SETD3: variants seen among roughly 807,000 people sequenced by gnomAD.
SETD3 encodes the protein actin-histidine N-methyltransferase.
In SETD3, 19 loss-of-function variants were observed where a neutral mutation model predicts 63.0. That is an observed-to-expected ratio of 0.30 (90% confidence interval 0.21 to 0.44). SETD3 has a LOEUF of 0.44. Among genes scored for constraint, SETD3 ranks in the 20% least tolerant of loss-of-function variants. The pLI, the probability that SETD3 is intolerant of heterozygous loss-of-function variation, is 1.00. For missense variants in SETD3, 587 were observed against 728.5 expected, an observed-to-expected ratio of 0.81 and a Z score of 2.24; for synonymous variants, 286 against 264.1, an observed-to-expected ratio of 1.08 and a Z score of -0.80.
At chr14:99,425,541 G>C (rs778335697) in intron 6 of SETD3, among the ~76,000 whole-genome samples, 1 of 152,254 alleles carries the variant, frequency 6.6e-6, no homozygotes, top group Non-Finnish European at 1.5e-5. Flanking sequence ...TAAGCAGTCA[G>C]TAGGCGTCAG....
At chr14:99,462,247 T>C (rs1225423999) in intron 3 of SETD3, among the ~76,000 whole-genome samples, 2 of 152,224 alleles carry the variant, frequency 1.3e-5, no homozygotes, top group African/African-American at 2.4e-5. Flanking sequence ...ATCTGTTATA[T>C]TAATTTCTGA....
At chr14:99,461,904 C>A (rs2139782460) in intron 3 of SETD3, among the ~76,000 whole-genome samples, 1 of 152,248 alleles carries the variant, frequency 6.6e-6, no homozygotes, top group South Asian at 2.1e-4. Context: ...ACTAAATGTA[C>A]CACAGTGGCT....
At chr14:99,485,379 G>A (rs1477579905), upstream of SETD3, among the ~76,000 whole-genome samples, 1 of 152,164 alleles carries the variant, frequency 6.6e-6, no homozygotes, top group African/African-American at 2.4e-5. Context: ...TAGAGAATAT[G>A]GAGGTACTCT....
chr14:99,422,476 C>A (rs1892642197), intron 6 of SETD3, among the ~76,000 whole-genome samples: 1 of 152,082 alleles, frequency 6.6e-6, no homozygotes, highest in Admixed American at 6.5e-5. Flanking sequence ...GCTTTTAAGC[C>A]TAAAGGAAGT....
chr14:99,436,439 C>T, intron 6 of SETD3, among the ~76,000 whole-genome samples: 1 of 152,172 alleles, frequency 6.6e-6, no homozygotes, highest in Non-Finnish European at 1.5e-5. Context: ...AGGCACAGAG[C>T]CTGGACATGG....
At chr14:99,483,777 G>A (rs1052265119), upstream of SETD3, among the ~76,000 whole-genome samples, 1 of 152,228 alleles carries the variant, frequency 6.6e-6, no homozygotes, top group African/African-American at 2.4e-5. Context: ...GTTGATTAAT[G>A]AGTTGATGTA....
chr14:99,411,137 G>C (rs1045555354), intron 8 of SETD3: 4 of 152,190 alleles, frequency 2.6e-5, no homozygotes, highest in African/African-American at 9.6e-5. Flanking sequence ...CAAGAGTGCA[G>C]AGTGCAGAAT....
In SETD3 at chr14:99,446,543, A is replaced by G. The variant is rs145076429; in HGVS notation, c.675+11736T>C. Among the ~76,000 whole-genome samples, 889 of 152,288 alleles carry G rather than the reference A, an allele frequency of 5.8e-3. 6 individuals are homozygous for G. The highest frequency in any genetic ancestry group is 0.02 in the African/African-American group (848 of 41,552). On this transcript the variant is annotated intron_variant, in intron 6 of 12. Transcript: ENST00000331768. Reference sequence around the variant, plus strand: ...CTCCATGGTAACTGTTTGCCCTTTAAGTCTGTATTCCATGCCCCTATGGGT... The same window carrying G: ...CTCCATGGTAACTGTTTGCCCTTTAGGTCTGTATTCCATGCCCCTATGGGT...
At chr14:99,426,311 T>C (rs992333140) in intron 6 of SETD3, among the ~76,000 whole-genome samples, 6 of 152,338 alleles carry the variant, frequency 3.9e-5, no homozygotes, top group African/African-American at 1.2e-4. Flanking sequence ...CATTCACTCA[T>C]TCAACAAATA....
intron 6 of SETD3, among the ~76,000 whole-genome samples, chr14:99,431,062 C>A (rs1322947101): frequency 6.6e-6 from 1 of 152,080 alleles, no homozygotes; most frequent in Non-Finnish European, 1.5e-5. Flanking sequence ...GATAAAAGGC[C>A]CAGAAAAGCC....
chr14:99,458,475 T>C lies in SETD3; in HGVS notation c.479A>G (p.His160Arg). Residue 160 changes from histidine to arginine, a missense_variant, in exon 6 of 13, where the codon CAT (histidine) becomes CGT (arginine). His to Arg is a conservative substitution (Grantham distance 29, BLOSUM62 0). Coordinates refer to ENST00000331768, the MANE Select transcript of SETD3 (RefSeq NM_032233.3). ...AGGGCTGGCTCGCTCACACAGCAAA[T>C]GAAAGGCCAGTGCGATGTTTCCCAT... ...QAMGNIALAF[H>R]LLCERASPNS... The C allele has an allele frequency of 1.2e-6, 2 of 1,614,088 alleles. No homozygotes were observed. Among genetic ancestry groups the C allele is most frequent in the South Asian group, 1.1e-5 (1 of 91,076 alleles).
chr14:99,469,514 C>T (rs1204002697), intron 1 of SETD3, among the ~76,000 whole-genome samples: 1 of 152,218 alleles, frequency 6.6e-6, no homozygotes, highest in Non-Finnish European at 1.5e-5. Flanking sequence ...GAGGCCAAGG[C>T]AGGTGGATTG....
At chr14:99,422,319 CTT>C (rs1892636294) in intron 6 of SETD3, among the ~76,000 whole-genome samples, 1 of 152,230 alleles carries the variant, frequency 6.6e-6, no homozygotes, top group Non-Finnish European at 1.5e-5. Flanking sequence ...TCTGATAACT[CTT>C]AACAGCCTCA....
At chr14:99,449,108 A>G (rs1894305918) in intron 6 of SETD3, among the ~76,000 whole-genome samples, 2 of 152,262 alleles carry the variant, frequency 1.3e-5, no homozygotes, top group Admixed American at 6.5e-5. Context: ...GAACAGCTGA[A>G]TAAGTAAATA....
intron 11 of SETD3, among the ~76,000 whole-genome samples, chr14:99,403,115 T>C (rs1021254468): frequency 1.3e-5 from 2 of 152,152 alleles, no homozygotes; most frequent in African/African-American, 4.8e-5. Flanking sequence ...TGTATCTCAG[T>C]TTGGGTTCTG....
At chr14:99,424,690 G>A (rs915231330) in intron 6 of SETD3, among the ~76,000 whole-genome samples, 6 of 152,110 alleles carry the variant, frequency 3.9e-5, no homozygotes, top group Non-Finnish European at 7.4e-5. Flanking sequence ...AGGGAGGGGA[G>A]GAGAGGAGGA....
At chr14:99,443,142 G>C (rs1240528500) in intron 6 of SETD3, among the ~76,000 whole-genome samples, 1 of 151,878 alleles carries the variant, frequency 6.6e-6, no homozygotes, top group African/African-American at 2.4e-5. Context: ...AAACAAATGT[G>C]GGTTTTTACA....
At chr14:99,425,203 T>C (rs1892815602) in intron 6 of SETD3, among the ~76,000 whole-genome samples, 1 of 152,126 alleles carries the variant, frequency 6.6e-6, no homozygotes, top group East Asian at 1.9e-4. Context: ...TCTAGCAGGT[T>C]TGCTGAACTA....
upstream of SETD3, among the ~76,000 whole-genome samples, chr14:99,483,712 T>C (rs1896413518): frequency 6.6e-6 from 1 of 152,238 alleles, no homozygotes; most frequent in Admixed American, 6.5e-5. Context: ...AAATGTGCAT[T>C]GGATAAGGTG....
Sources: allele counts gnomAD v4.1 joint callset (sites outside exome capture counted in the v4.1 genomes callset), GRCh38; gene constraint gnomAD v4.1.1; transcripts MANE v1.5; gene names NCBI Gene and HGNC (gene_info 2026-07-23, HGNC 2026-07-21).